The following NXPE4 variants were observed in gnomAD, a reference collection of about 807,000 sequenced individuals.
NXPE4 encodes the protein neurexophilin and PC-esterase domain family member 4.
Under a neutral mutation model 33.3 loss-of-function variants are expected in NXPE4, and 42 were observed. The ratio of observed to expected loss-of-function variants is 1.26; its 90% CI spans 0.98 to 1.63. The LOEUF (loss-of-function observed/expected upper bound fraction) is 1.63, where lower values mean the gene tolerates loss of function less well. Ranked by LOEUF, NXPE4 falls within the 40% of genes most tolerant of loss-of-function variation. The probability of loss-of-function intolerance (pLI) is 0.00; values close to 1 mark genes in which losing one functional copy is unlikely to be tolerated. For missense variants in NXPE4, 709 were observed against 647.6 expected (o/e 1.09, Z -1.03); for synonymous variants, 253 against 234.9 (o/e 1.08, Z -0.71).
chr11:114,625,052 G>T, the NXPE4 span, among the ~76,000 whole-genome samples: 1 of 152,052 alleles, frequency 6.6e-6, no homozygotes, highest in South Asian at 2.1e-4. Flanking sequence ...CTGTTACCCT[G>T]TGGATGATAA....
the NXPE4 span, among the ~76,000 whole-genome samples, chr11:114,623,706 C>A: frequency 6.6e-6 from 1 of 152,100 alleles, no homozygotes; most frequent in African/African-American, 2.4e-5. Context: ...AACAGTGTTA[C>A]CCGATGGATA....
chr11:114,592,010 A>T lies in NXPE4; in HGVS notation c.96+2654T>A, dbSNP rs970737984. On this transcript the variant is annotated intron_variant, in intron 2 of 5. Transcript: ENST00000375478. ...ATAAAAATATCTCAACAAATTAGGC[A>T]TGGAAGAAATGTACCTCAAAACAAT... Among the ~76,000 whole-genome samples, 9 of 152,240 alleles carry T rather than the reference A, an allele frequency of 5.9e-5. No individual in the cohort carries two copies. The South Asian group carries it at 6.2e-4, about 11-fold the overall frequency.
the NXPE4 span, among the ~76,000 whole-genome samples, chr11:114,621,427 T>C: frequency 6.6e-6 from 1 of 152,164 alleles, no homozygotes; most frequent in African/African-American, 2.4e-5. Context: ...TAATAAGTAT[T>C]GCCTCTAAGG....
the NXPE4 span, among the ~76,000 whole-genome samples, chr11:114,613,851 T>C: frequency 6.6e-6 from 1 of 151,852 alleles, no homozygotes; most frequent in Non-Finnish European, 1.5e-5. Flanking sequence ...ATAATACGTA[T>C]TGCCTAATAG....
chr11:114,619,917 C>T, the NXPE4 span, among the ~76,000 whole-genome samples: 1 of 151,994 alleles, frequency 6.6e-6, no homozygotes, highest in Admixed American at 6.5e-5. Flanking sequence ...TAAGTGTTAC[C>T]TCATGGGTAA....
chr11:114,650,629 G>A, the NXPE4 span, among the ~76,000 whole-genome samples: 2,841 of 152,244 alleles, frequency 0.019, 86 homozygotes, highest in African/African-American at 0.065. Context: ...TATCCCTAGG[G>A]AAGGGGCAGG....
At chr11:114,609,537 TA>T in the NXPE4 span, among the ~76,000 whole-genome samples, 1 of 151,882 alleles carries the variant, frequency 6.6e-6, no homozygotes, top group Non-Finnish European at 1.5e-5. Flanking sequence ...TAACCACTGT[TA>T]CCCAATGGAT....
At chr11:114,609,778 G>A in the NXPE4 span, among the ~76,000 whole-genome samples, 1 of 151,672 alleles carries the variant, frequency 6.6e-6, no homozygotes, top group Non-Finnish European at 1.5e-5. Context: ...TGCCTCGCGG[G>A]TAACCACAGT....
the NXPE4 span, among the ~76,000 whole-genome samples, chr11:114,635,926 C>G: frequency 2.6e-5 from 4 of 151,974 alleles, no homozygotes; most frequent in Non-Finnish European, 5.9e-5. Flanking sequence ...CTAAAATTCT[C>G]TTTTTTGGTG....
the NXPE4 span, among the ~76,000 whole-genome samples, chr11:114,624,729 A>G: frequency 5.5e-4 from 83 of 151,600 alleles, no homozygotes; most frequent in Middle Eastern, 6.9e-3. Flanking sequence ...GATAATAAGT[A>G]TTGCCTCCAG....
At chr11:114,589,949 A>G (rs1949406244) in intron 2 of NXPE4, among the ~76,000 whole-genome samples, 1 of 152,184 alleles carries the variant, frequency 6.6e-6, no homozygotes, top group African/African-American at 2.4e-5. Flanking sequence ...CAAATGCCTG[A>G]GGGAACTAAA....
intron 5 of NXPE4, among the ~76,000 whole-genome samples, chr11:114,575,888 G>C (rs1948984894): frequency 6.6e-6 from 1 of 152,076 alleles, no homozygotes; most frequent in African/African-American, 2.4e-5. Context: ...AGCCCACATA[G>C]ACAAAGTAAG....
At chr11:114,584,002 G>T in intron 2 of NXPE4, 1 of 364,336 alleles carries the variant, frequency 2.7e-6, no homozygotes, top group East Asian at 6.3e-5. Flanking sequence ...AAGTAATAGA[G>T]ATGTTCCTGT....
the NXPE4 span, among the ~76,000 whole-genome samples, chr11:114,649,140 T>TC: frequency 6.6e-6 from 1 of 152,058 alleles, no homozygotes; most frequent in Non-Finnish European, 1.5e-5. Flanking sequence ...TGTTTTTTTT[T>TC]TTTTAACTGG....
chr11:114,575,379 A>T (rs899969510), intron 5 of NXPE4, among the ~76,000 whole-genome samples: 1 of 152,106 alleles, frequency 6.6e-6, no homozygotes, highest in African/African-American at 2.4e-5. Flanking sequence ...GGACATCCGA[A>T]TTGGTAAAGA....
intron 5 of NXPE4, among the ~76,000 whole-genome samples, chr11:114,577,212 C>T (rs951024663): frequency 1.1e-4 from 17 of 149,524 alleles, no homozygotes; most frequent in African/African-American, 3.9e-4. Context: ...TGGAATACTA[C>T]TCAGCCATGA....
the NXPE4 span, among the ~76,000 whole-genome samples, chr11:114,612,243 G>A: frequency 2.6e-5 from 4 of 151,792 alleles, no homozygotes; most frequent in Admixed American, 6.6e-5. Flanking sequence ...ACTGTTACAC[G>A]GTGGAGAATA....
the NXPE4 span, among the ~76,000 whole-genome samples, chr11:114,622,166 G>A: frequency 6.6e-6 from 1 of 151,950 alleles, no homozygotes; most frequent in Admixed American, 6.6e-5. Flanking sequence ...TTACCCAGTG[G>A]ATAATAAGTA....
At chr11:114,619,340 GTAACCACTGTTACCCGGTAGATAA>G in the NXPE4 span, among the ~76,000 whole-genome samples, 2 of 152,084 alleles carry the variant, frequency 1.3e-5, no homozygotes, top group Non-Finnish European at 2.9e-5. Flanking sequence ...TGCCTTGTGT[GTAACCACTGTTACCCGGTAGATAA>G]TAAGTGTTGC....
Sources: gnomAD v4.1 joint callset for allele counts (sites outside exome capture counted in the v4.1 genomes callset) on GRCh38, gnomAD v4.1.1 for gene constraint, MANE v1.5 for transcripts, NCBI Gene and HGNC (gene_info 2026-07-23, HGNC 2026-07-21) for gene names.